The following CCSER1 variants were observed in gnomAD, a reference collection of about 807,000 sequenced individuals.
CCSER1 encodes the protein serine-rich coiled-coil domain-containing protein 1.
In CCSER1, 41 loss-of-function variants were observed where a neutral mutation model predicts 82.0. The observed-to-expected ratio is 0.50, with a 90% confidence interval of 0.39 to 0.65. The LOEUF (loss-of-function observed/expected upper bound fraction) is 0.65, where lower values mean the gene tolerates loss of function less well. Ranked by LOEUF, CCSER1 falls within the 30% of genes least tolerant of loss-of-function variation. The pLI is 0.00. For synonymous variants in CCSER1, 414 were observed against 383.9 expected (o/e 1.08, Z -0.92); for missense variants, 1,119 against 1,064.2 (o/e 1.05, Z -0.72).
At chr4:90,520,962 C>T (rs1773034531) in intron 5 of CCSER1, among the ~76,000 whole-genome samples, 1 of 152,002 alleles carries the variant, frequency 6.6e-6, no homozygotes, top group African/African-American at 2.4e-5. Flanking sequence ...TTTTATAATA[C>T]CTTGCAGTGG....
chr4:91,007,742 C>G (rs1285491055), intron 9 of CCSER1, among the ~76,000 whole-genome samples: 1 of 145,140 alleles, frequency 6.9e-6, no homozygotes, highest in Admixed American at 6.8e-5. Context: ...TTCTTTTACT[C>G]TTGCTTTGAT....
At chr4:90,173,339 C>A (rs1198820638) in intron 1 of CCSER1, among the ~76,000 whole-genome samples, 159 of 145,412 alleles carry the variant, frequency 1.1e-3, no homozygotes, top group Admixed American at 2.7e-3. Context: ...TGTTTTTTTT[C>A]AAAAAAAAAA....
intron 7 of CCSER1, among the ~76,000 whole-genome samples, chr4:90,754,280 A>G (rs1183989416): frequency 1.3e-5 from 2 of 152,198 alleles, no homozygotes; most frequent in African/African-American, 4.8e-5. Context: ...TTTTTGCTAA[A>G]AAAATTATTT....
At chr4:90,247,996 AT>A (rs1163618291) in intron 1 of CCSER1, among the ~76,000 whole-genome samples, 1 of 152,134 alleles carries the variant, frequency 6.6e-6, no homozygotes, top group African/African-American at 2.4e-5. Flanking sequence ...CAGAGACAAA[AT>A]TTAAAAATTA....
intron 9 of CCSER1, among the ~76,000 whole-genome samples, chr4:90,941,172 T>C (rs975039893): frequency 6.6e-6 from 1 of 152,088 alleles, no homozygotes; most frequent in Admixed American, 6.5e-5. Context: ...TATAGAGAAA[T>C]GCATGGAAGG....
Position 91,355,471 on chromosome 4 carries a change from A to AAT in CCSER1, c.2218-243099_2218-243098dup, listed in dbSNP as rs1050449410. Reference sequence around the variant, plus strand: ...TTCCTGGGCTACATACCTTGGATAGAATAGCATTATACAAACGAGTTTCTT... The same window carrying AAT: ...TTCCTGGGCTACATACCTTGGATAGAATATAGCATTATACAAACGAGTTTCTT... On this transcript the variant is annotated intron_variant, in intron 10 of 10. Transcript: ENST00000509176. 4.6e-5 allele frequency among the ~76,000 whole-genome samples: 7 copies of AAT among 152,300 alleles called. No individual in the cohort carries two copies. In the East Asian group the frequency reaches 9.6e-4, roughly 21 times the overall value.
At chr4:91,185,352 T>C (rs1734423500) in intron 10 of CCSER1, among the ~76,000 whole-genome samples, 1 of 152,226 alleles carries the variant, frequency 6.6e-6, no homozygotes, top group South Asian at 2.1e-4. Context: ...ATAATCTGAA[T>C]CAATGACTCC....
At position 90,334,159 on chromosome 4, in the gene CCSER1, G is replaced by A. The variant is rs1248811772; in HGVS notation, c.1509+21112G>A. Among the ~76,000 whole-genome samples, 6 of 152,032 alleles carry A rather than the reference G, an allele frequency of 3.9e-5. No individual in the cohort carries two copies. The South Asian group carries it at 6.2e-4, about 16-fold the overall frequency. On this transcript the variant is annotated intron_variant, in intron 3 of 10. Transcript: ENST00000509176. ...CCAAGAGAAATTCATGTATAATTGC[G>A]ATAATGCACAAAGTATTTCAGTAAG...
chr4:90,740,422 A>G (rs1490499628), intron 7 of CCSER1, among the ~76,000 whole-genome samples: 1 of 152,210 alleles, frequency 6.6e-6, no homozygotes, highest in East Asian at 1.9e-4. Flanking sequence ...AATTATTTTT[A>G]CATAAATTAA....
intron 9 of CCSER1, among the ~76,000 whole-genome samples, chr4:91,027,309 G>T (rs573527072): frequency 4.0e-5 from 6 of 151,860 alleles, no homozygotes; most frequent in African/African-American, 1.4e-4. Flanking sequence ...TAGGAATAAG[G>T]GAGATAATCA....
chr4:90,840,054 A>T (rs932519399), intron 8 of CCSER1, among the ~76,000 whole-genome samples: 4 of 151,994 alleles, frequency 2.6e-5, no homozygotes, highest in Non-Finnish European at 5.9e-5. Context: ...TAATCCATAT[A>T]ACATAGCATT....
intron 10 of CCSER1, among the ~76,000 whole-genome samples, chr4:91,507,710 C>T (rs1054916246): frequency 1.3e-5 from 2 of 151,634 alleles, no homozygotes; most frequent in Non-Finnish European, 2.9e-5. Context: ...AAGGTAGTCA[C>T]ACTTTCTTGA....
intron 10 of CCSER1, among the ~76,000 whole-genome samples, chr4:91,096,822 G>GCA (rs1168430108): frequency 4.6e-5 from 7 of 152,138 alleles, no homozygotes; most frequent in Middle Eastern, 6.8e-3. Context: ...GGTAAAGAGG[G>GCA]CACACACACA....
rs762366557 is a variant in CCSER1 at position 90,300,062 on chromosome 4, T to G, written c.-41-8182T>G. Among the ~76,000 whole-genome samples the G allele has an allele frequency of 1.2e-3, 177 of 152,280 alleles. 1 individual carries two copies. The highest frequency in any genetic ancestry group is 2.9e-3 in the African/African-American group (120 of 41,568). On this transcript the variant is annotated intron_variant, in intron 1 of 10. Coordinates refer to ENST00000509176, the MANE Select transcript of CCSER1 (RefSeq NM_001145065.2). ...ATTAAGGCTCTACCAGGTTATTTTC[T>G]GAATGTTTTTCTGAGAAAGAATCTT...
At chr4:91,512,150 G>C (rs935165986) in intron 10 of CCSER1, among the ~76,000 whole-genome samples, 13 of 152,106 alleles carry the variant, frequency 8.5e-5, no homozygotes, top group African/African-American at 3.1e-4. Flanking sequence ...ATTGAAGGAC[G>C]CAATGTACCG....
chr4:90,257,763 A>G (rs1281750442), intron 1 of CCSER1, among the ~76,000 whole-genome samples: 2 of 152,144 alleles, frequency 1.3e-5, no homozygotes, highest in Admixed American at 6.5e-5. Flanking sequence ...TCTGAATCTG[A>G]GTCTGAAGAC....
chr4:91,161,566 T>C (rs1731403798), intron 10 of CCSER1, among the ~76,000 whole-genome samples: 1 of 152,194 alleles, frequency 6.6e-6, no homozygotes, highest in African/African-American at 2.4e-5. Context: ...GTTTGTGTCC[T>C]CTTTTATTTC....
intron 10 of CCSER1, among the ~76,000 whole-genome samples, chr4:91,180,314 A>C (rs924538172): frequency 3.3e-5 from 5 of 152,220 alleles, no homozygotes; most frequent in Non-Finnish European, 7.3e-5. Flanking sequence ...CTGTGCTAGG[A>C]GAACCACTAC....
intron 1 of CCSER1, among the ~76,000 whole-genome samples, chr4:90,274,082 G>A (rs28378611): frequency 3.2e-4 from 48 of 152,164 alleles, no homozygotes; most frequent in African/African-American, 1.2e-3. Context: ...TACTACTCAT[G>A]TATGTTTGTG....
Sources: allele counts gnomAD v4.1 joint callset (sites outside exome capture counted in the v4.1 genomes callset), GRCh38; gene constraint gnomAD v4.1.1; transcripts MANE v1.5; gene names NCBI Gene and HGNC (gene_info 2026-07-23, HGNC 2026-07-21).